The following DACH2 variants were observed in gnomAD, a reference collection of about 807,000 sequenced individuals.
The protein encoded by DACH2 is dachshund homolog 2.
A neutral mutation model predicts 35.8 loss-of-function variants in DACH2; 17 were observed. The observed-to-expected ratio is 0.48, with a 90% CI of 0.33 to 0.71. DACH2 has a LOEUF of 0.71. Ranked by LOEUF, DACH2 falls within the 30% of genes least tolerant of loss-of-function variation. The pLI, the probability that DACH2 is intolerant of heterozygous loss-of-function variation, is 0.02. For synonymous variants in DACH2, 195 were observed against 177.3 expected (o/e 1.10, Z -0.79); for missense variants, 469 against 472.7 (o/e 0.99, Z 0.07).
chrX:86,562,281 TTTC>T (rs1418015848), intron 3 of DACH2, among the ~76,000 whole-genome samples: 7 of 111,374 alleles, frequency 6.3e-5, no homozygotes, highest in African/African-American at 2.0e-4. Context: ...GTTTTATTTA[TTTC>T]TTCTTCCTTT....
At chrX:86,355,875 G>C (rs1283790612) in intron 1 of DACH2, among the ~76,000 whole-genome samples, 1 of 110,620 alleles carries the variant, frequency 9.0e-6, no homozygotes, top group African/African-American at 3.3e-5. Context: ...TTTTTTAATG[G>C]GGTTGTTTCT....
intron 3 of DACH2, among the ~76,000 whole-genome samples, chrX:86,532,223 G>T (rs1011634874): frequency 8.9e-6 from 1 of 112,096 alleles, no homozygotes; most frequent in African/African-American, 3.2e-5. Context: ...ATGCTGGAAT[G>T]AGTTAAGATT....
chrX:86,663,085 A>G (rs1049341211), intron 4 of DACH2, among the ~76,000 whole-genome samples: 1 of 111,791 alleles, frequency 8.9e-6, no homozygotes, highest in Non-Finnish European at 1.9e-5. Context: ...TAGCTTTTTA[A>G]TAATAAGACA....
At chrX:86,716,185 G>A (rs1344653934) in intron 6 of DACH2, among the ~76,000 whole-genome samples, 1 of 111,086 alleles carries the variant, frequency 9.0e-6, no homozygotes, top group East Asian at 2.8e-4. Flanking sequence ...AAAATTAAAG[G>A]GTAAAAATAA....
At chrX:86,622,812 T>C (rs1020191981) in intron 3 of DACH2, among the ~76,000 whole-genome samples, 1 of 111,602 alleles carries the variant, frequency 9.0e-6, no homozygotes, top group Non-Finnish European at 1.9e-5. Context: ...CTTCTTGTCA[T>C]AGATTAATCA....
intron 2 of DACH2, chrX:86,481,893 G>T (rs2037941990): frequency 8.9e-6 from 1 of 112,199 alleles, no homozygotes; most frequent in African/African-American, 3.2e-5. Context: ...TGTTAAACAT[G>T]CAATAGCATG....
intron 1 of DACH2, among the ~76,000 whole-genome samples, chrX:86,168,325 A>C (rs1345578140): frequency 9.0e-6 from 1 of 110,689 alleles, no homozygotes; most frequent in African/African-American, 3.3e-5. Flanking sequence ...TTGTCTTGAG[A>C]TTTATTTTGT....
At chrX:86,669,181 TA>T (rs1478377598) in intron 4 of DACH2, among the ~76,000 whole-genome samples, 1 of 110,283 alleles carries the variant, frequency 9.1e-6, no homozygotes, top group Non-Finnish European at 1.9e-5. Flanking sequence ...AAAAGTAGCC[TA>T]AAAAGAAATT....
chrX:86,462,463 A>T (rs2037591902), intron 2 of DACH2, among the ~76,000 whole-genome samples: 1 of 111,152 alleles, frequency 9.0e-6, no homozygotes, highest in African/African-American at 3.3e-5. Flanking sequence ...AATGAGGAAA[A>T]TTTTACAGTT....
At chrX:86,752,821 A>C (rs142115712) in intron 7 of DACH2, among the ~76,000 whole-genome samples, 1 of 111,517 alleles carries the variant, frequency 9.0e-6, no homozygotes, top group Non-Finnish European at 1.9e-5. Flanking sequence ...ATATTTGTAC[A>C]TTTGTATTCA....
At chrX:86,234,619 A>ATT (rs57740362) in intron 1 of DACH2, among the ~76,000 whole-genome samples, 102 of 101,696 alleles carry the variant, frequency 1.0e-3, no homozygotes, top group South Asian at 6.6e-3. Context: ...TTTTAATTTA[A>ATT]TTTTTTTTTT....
intron 1 of DACH2, among the ~76,000 whole-genome samples, chrX:86,329,916 G>A (rs2035182534): frequency 9.0e-6 from 1 of 111,618 alleles, no homozygotes; most frequent in Non-Finnish European, 1.9e-5. Flanking sequence ...AACTCTCTTA[G>A]GATAGTTTTA....
chrX:86,667,405 GAA>G (rs1428193270), intron 4 of DACH2, among the ~76,000 whole-genome samples: 1 of 85,140 alleles, frequency 1.2e-5, no homozygotes, highest in Non-Finnish European at 2.4e-5. Flanking sequence ...AAAAAGAAAA[GAA>G]GAGAAAAAAA....
intron 2 of DACH2, among the ~76,000 whole-genome samples, chrX:86,424,144 G>C (rs1287282219): frequency 1.8e-5 from 2 of 108,366 alleles, no homozygotes; most frequent in Admixed American, 2.0e-4. Flanking sequence ...TTTTCTTTTT[G>C]CTTAGGAAAA....
At position 86,628,498 on chromosome X, in the gene DACH2, G is replaced by C. The variant is rs186611616; in HGVS notation, c.641-22538G>C. Among the ~76,000 whole-genome samples, 1,018 of 112,119 alleles carry C rather than the reference G, an allele frequency of 9.1e-3. 5 individuals carry two copies. Among genetic ancestry groups the C allele is most frequent in the Non-Finnish European group, 0.013 (696 of 53,215 alleles). Reference sequence around the variant, plus strand: ...AAACACTATCCTCGCTGTTTTCTCAGGTCTTTCTTGATGTTATGAATTACA... The same window carrying C: ...AAACACTATCCTCGCTGTTTTCTCACGTCTTTCTTGATGTTATGAATTACA... On this transcript the variant is annotated intron_variant, in intron 3 of 11. Transcript: ENST00000373125.
intron 5 of DACH2, among the ~76,000 whole-genome samples, chrX:86,712,378 C>G (rs995041889): frequency 2.7e-5 from 3 of 111,197 alleles, no homozygotes; most frequent in Non-Finnish European, 5.7e-5. Context: ...AAGTGAGTTC[C>G]ACATACAAAT....
chrX:86,517,074 C>G (rs2038480021), intron 3 of DACH2, among the ~76,000 whole-genome samples: 1 of 110,876 alleles, frequency 9.0e-6, no homozygotes. Context: ...GTATATATAC[C>G]CAGTAATAGA....
At chrX:86,628,365 T>A (rs778572523) in intron 3 of DACH2, among the ~76,000 whole-genome samples, 8 of 112,024 alleles carry the variant, frequency 7.1e-5, no homozygotes, top group Non-Finnish European at 1.3e-4. Flanking sequence ...ATTCTTAAGA[T>A]AAAGTGACTC....
At chrX:86,499,158 A>G (rs764187804) in intron 2 of DACH2, among the ~76,000 whole-genome samples, 11 of 112,365 alleles carry the variant, frequency 9.8e-5, no homozygotes, top group Non-Finnish European at 1.7e-4. Flanking sequence ...GAAGCTGTCT[A>G]TCTTCAATGG....
Sources: gnomAD v4.1 joint callset for allele counts (sites outside exome capture counted in the v4.1 genomes callset) on GRCh38, gnomAD v4.1.1 for gene constraint, MANE v1.5 for transcripts, NCBI Gene and HGNC (gene_info 2026-07-23, HGNC 2026-07-21) for gene names.